The following LINGO1 variants were observed in gnomAD, a reference collection of about 807,000 sequenced individuals.
LINGO1 encodes leucine rich repeat and Ig domain containing 1.
LINGO1 carries 11 observed loss-of-function variants against 37.3 expected under a neutral mutation model. The observed-to-expected ratio is 0.29, with a 90% CI of 0.19 to 0.49. LINGO1 has a LOEUF of 0.49. LINGO1 is among the 20% of genes least tolerant of loss of function. LINGO1 has a pLI of 0.99. For missense variants in LINGO1, 585 were observed against 878.2 expected (o/e 0.67, Z 4.22); for synonymous variants, 387 against 403.0 (o/e 0.96, Z 0.48).
At chr15:77,704,055 T>C (rs1283380208) in intron 2 of LINGO1, among the ~76,000 whole-genome samples, 3 of 152,096 alleles carry the variant, frequency 2.0e-5, no homozygotes, top group African/African-American at 7.2e-5. Context: ...AGAAAGACAC[T>C]TTATCTTTTG....
chr15:77,747,499 G>C (rs2076325943), intron 1 of LINGO1, among the ~76,000 whole-genome samples: 1 of 152,232 alleles, frequency 6.6e-6, no homozygotes. Context: ...CTGCCTAGAA[G>C]AGCAGAGCTC....
chr15:77,730,741 G>C (rs921354096), intron 2 of LINGO1, among the ~76,000 whole-genome samples: 1 of 152,240 alleles, frequency 6.6e-6, no homozygotes, highest in East Asian at 1.9e-4. Flanking sequence ...GGGCCCTCTT[G>C]AGCCTCAGTC....
chr15:77,771,003 C>T (rs2076579532), intron 1 of LINGO1, among the ~76,000 whole-genome samples: 2 of 152,194 alleles, frequency 1.3e-5, no homozygotes, highest in Non-Finnish European at 2.9e-5. Context: ...AACCCCACCT[C>T]TGACACAACA....
chr15:77,805,926 C>T (rs114733343), intron 1 of LINGO1, among the ~76,000 whole-genome samples: 1 of 152,114 alleles, frequency 6.6e-6, no homozygotes, highest in Admixed American at 6.5e-5. Flanking sequence ...TTCCATGTAC[C>T]CCCTCTCCTC....
chr15:77,692,593 G>A (rs2075623252), intron 1 of LINGO1, among the ~76,000 whole-genome samples: 1 of 152,242 alleles, frequency 6.6e-6, no homozygotes, highest in Non-Finnish European at 1.5e-5. Context: ...GACCTCGACT[G>A]TGAATGTAAT....
intron 1 of LINGO1, among the ~76,000 whole-genome samples, chr15:77,796,734 CAG>C (rs1325683334): frequency 6.7e-6 from 1 of 148,718 alleles, no homozygotes; most frequent in East Asian, 2.0e-4. Flanking sequence ...TTTAAAGAGG[CAG>C]AGTCTTGCTC....
At chr15:77,819,762 C>G (rs962951510) in intron 1 of LINGO1, among the ~76,000 whole-genome samples, 1 of 151,114 alleles carries the variant, frequency 6.6e-6, no homozygotes, top group African/African-American at 2.4e-5. Context: ...CGGCCCGGCT[C>G]CCGCACCCTG....
chr15:77,739,628 C>T (rs905359282), intron 1 of LINGO1, among the ~76,000 whole-genome samples: 1 of 152,212 alleles, frequency 6.6e-6, no homozygotes, highest in African/African-American at 2.4e-5. Context: ...TCCCAGGCCC[C>T]TGCCACTGTG....
intron 2 of LINGO1, among the ~76,000 whole-genome samples, chr15:77,681,372 G>A (rs1333189458): frequency 6.6e-6 from 1 of 152,120 alleles, no homozygotes; most frequent in African/African-American, 2.4e-5. Context: ...AGGGATGCAA[G>A]GATGGCTCCT....
At position 77,803,522 on chromosome 15, in the gene LINGO1, GAT is replaced by G. The variant is rs1196779651; in HGVS notation, c.-457-7471_-457-7470del. Reference sequence around the variant, plus strand: ...GAATGAATGAATGGGTTCTCACAGTGATATAGTTTGGATGTTCCCTCCAAATC... The same window carrying G: ...GAATGAATGAATGGGTTCTCACAGTGATAGTTTGGATGTTCCCTCCAAATC... On this transcript the variant is annotated intron_variant, in intron 1 of 5. Transcript: ENST00000562933. Among the ~76,000 whole-genome samples, 5 of 152,264 alleles carry G rather than the reference GAT, an allele frequency of 3.3e-5. No homozygotes were observed. The East Asian group carries it at 9.6e-4, about 29-fold the overall frequency.
chr15:77,673,517 C>T (rs2075284119), intron 3 of LINGO1, among the ~76,000 whole-genome samples: 1 of 152,220 alleles, frequency 6.6e-6, no homozygotes, highest in African/African-American at 2.4e-5. Flanking sequence ...TGAAATGCAT[C>T]TTGCCCTTGG....
chr15:77,615,115 G>A lies in LINGO1; in HGVS notation c.792C>T (p.Asn264=), dbSNP rs1421061714. 1.2e-6 allele frequency: 2 copies of A among 1,614,034 alleles called. No individual in the cohort carries two copies. The highest frequency in any genetic ancestry group is 2.2e-5 in the South Asian group (2 of 91,086). ...TMTPNCLYGL[N]LTSLSITHCN... ...AGTGTGTGATGGACAGGGACGTCAG[G>A]TTGAGGCCGTAGAGGCAGTTGGGTG... Residue 264 remains asparagine, a synonymous_variant, in exon 2 of 2, where the codon AAC becomes AAT. Transcript: ENST00000355300.
intron 2 of LINGO1, among the ~76,000 whole-genome samples, chr15:77,710,963 G>C (rs1012663843): frequency 6.6e-6 from 1 of 152,206 alleles, no homozygotes; most frequent in African/African-American, 2.4e-5. Flanking sequence ...AGATTGAGAC[G>C]TCTGCAGGAG....
rs1362888786 is a variant in LINGO1, at chr15:77,632,899, G to C, written c.-584C>G. The stretch of plus-strand genomic sequence containing the variant: ...CGGGCTCCGCGCTCTGCAGCGGCGC[G>C]GGGAGGGAGCACTAGGAGCGAGCCA... On this transcript the variant is annotated 5_prime_UTR_variant, in exon 1 of 2. Transcript: ENST00000355300. This position sits in a 1 kb window ranked among gnomAD's most constrained non-coding sequence, Gnocchi z 6.0. 6.6e-6 allele frequency among the ~76,000 whole-genome samples: 1 copy of C among 150,958 alleles called. No homozygotes were observed. Among genetic ancestry groups the C allele is most frequent in the Non-Finnish European group, 1.5e-5 (1 of 67,508 alleles).
chr15:77,767,971 C>CA (rs1187307988), intron 1 of LINGO1, among the ~76,000 whole-genome samples: 1 of 152,220 alleles, frequency 6.6e-6, no homozygotes, highest in Non-Finnish European at 1.5e-5. Context: ...AGTAAACACT[C>CA]AAACAATCCA....
intron 2 of LINGO1, among the ~76,000 whole-genome samples, chr15:77,721,819 T>C (rs371644967): frequency 4.6e-5 from 7 of 152,080 alleles, no homozygotes; most frequent in African/African-American, 1.4e-4. Flanking sequence ...ACCCCGGGCC[T>C]CAGCTTCTCC....
intron 2 of LINGO1, among the ~76,000 whole-genome samples, chr15:77,713,337 C>A (rs946932369): frequency 1.3e-5 from 2 of 151,728 alleles, no homozygotes; most frequent in African/African-American, 4.9e-5. Flanking sequence ...CTCGGCCTCC[C>A]AAAGTGCTGG....
At chr15:77,628,685 T>C (rs1424762188) in intron 1 of LINGO1, among the ~76,000 whole-genome samples, 1 of 152,168 alleles carries the variant, frequency 6.6e-6, no homozygotes, top group African/African-American at 2.4e-5. Context: ...CAGTGTTCAT[T>C]ATAGTATTAT....
At chr15:77,660,777 TA>T in intron 3 of LINGO1, among the ~76,000 whole-genome samples, 2 of 151,862 alleles carry the variant, frequency 1.3e-5, no homozygotes, top group African/African-American at 4.8e-5. Context: ...AGTCTGTCTG[TA>T]GTTTTCCCAG....
Sources: gnomAD v4.1 joint callset for allele counts (sites outside exome capture counted in the v4.1 genomes callset) on GRCh38, gnomAD v4.1.1 for gene constraint, Gnocchi (gnomAD v3.1) non-coding constraint, MANE v1.5 for transcripts, NCBI Gene and HGNC (gene_info 2026-07-23, HGNC 2026-07-21) for gene names.